The following LIPM variants were observed in gnomAD, a reference collection of about 807,000 sequenced individuals.
LIPM encodes lipase member M.
Under a neutral mutation model 42.4 loss-of-function variants are expected in LIPM, and 42 were observed. The observed-to-expected ratio is 0.99, with a 90% CI of 0.77 to 1.28. The LOEUF (loss-of-function observed/expected upper bound fraction) is 1.28, where lower values mean the gene tolerates loss of function less well. Ranked by LOEUF, LIPM falls within the 50% of genes most tolerant of loss-of-function variation. The pLI, the probability that LIPM is intolerant of heterozygous loss-of-function variation, is 0.00. For synonymous variants in LIPM, 177 were observed against 173.3 expected, an observed-to-expected ratio of 1.02 and a Z score of -0.17; for missense variants, 524 against 520.1, an observed-to-expected ratio of 1.01 and a Z score of -0.07.
intron 1 of LIPM, among the ~76,000 whole-genome samples, chr10:88,806,532 G>A (rs985386788): frequency 6.6e-6 from 1 of 152,184 alleles, no homozygotes; most frequent in Admixed American, 6.5e-5. Flanking sequence ...ATAGTTGTCA[G>A]ATCAGCAACA....
Position 88,815,341 on chromosome 10 carries a change from C to T in LIPM, c.712-16C>T. The T allele has an allele frequency of 6.4e-7, 1 of 1,551,412 alleles. No individual in the cohort carries two copies. Among genetic ancestry groups the T allele is most frequent in the East Asian group, 2.4e-5 (1 of 40,924 alleles). Reference sequence around the variant, plus strand: ...TTTTCTGTCTGTCATGTCTATGTCACTTCATATTTTCACAGGGATTGTTTG... The same window carrying T: ...TTTTCTGTCTGTCATGTCTATGTCATTTCATATTTTCACAGGGATTGTTTG... On this transcript the variant is annotated splice_polypyrimidine_tract_variant and intron_variant, in intron 5 of 8. Coordinates refer to ENST00000404743, the MANE Select transcript of LIPM (RefSeq NM_001128215.1).
chr10:88,805,828 T>C (rs1843579560), intron 1 of LIPM: 2 of 361,582 alleles, frequency 5.5e-6, no homozygotes, highest in Non-Finnish European at 1.1e-5. Context: ...AGGAGAATCA[T>C]CATCATCGCC....
In LIPM at chr10:88,815,500, C is replaced by T. The variant is rs61737047; in HGVS notation, c.855C>T (p.Asn285=). ...GTGGATTCAACACCAACAATATGAA[C>T]ATGGTAAGTGGGAGCCTAGTAAATT... ...LLGGFNTNNM[N]MSRASVYAAH... is the part of the protein sequence containing the mutation. The change falls in exon 6 of 9, where the codon AAC becomes AAT. Residue 285 remains asparagine, a synonymous_variant. Coordinates refer to ENST00000404743, the MANE Select transcript of LIPM (RefSeq NM_001128215.1). 114 of 1,551,210 alleles carry T rather than the reference C, an allele frequency of 7.3e-5. No homozygotes were observed. In the South Asian group the frequency reaches 1.3e-3, roughly 18 times the overall value.
Position 88,816,813 on chromosome 10 carries a change from C to T in LIPM, c.859-3C>T. ...CCCCCAGAATACTCATGGTTTGTTACAGAGCCGAGCAAGTGTATATGCTGC... is the reference window on the plus strand; with the variant it reads ...CCCCCAGAATACTCATGGTTTGTTATAGAGCCGAGCAAGTGTATATGCTGC... On this transcript the variant is annotated splice_region_variant and splice_polypyrimidine_tract_variant and intron_variant, in intron 6 of 8. Coordinates refer to ENST00000404743, the MANE Select transcript of LIPM (RefSeq NM_001128215.1). 6.5e-7 allele frequency: 1 copy of T among 1,550,018 alleles called. No individual in the cohort carries two copies. Among genetic ancestry groups the T allele is most frequent in the Non-Finnish European group, 8.7e-7 (1 of 1,145,492 alleles).
rs61735049 is a variant in LIPM at position 88,820,266 on chromosome 10, C to T, written c.1037C>T (p.Thr346Met). The change falls in exon 9 of 9, where the codon ACG becomes ATG. Residue 346 changes from threonine to methionine, a missense_variant. Transcript: ENST00000404743. The stretch of plus-strand genomic sequence containing the variant: ...GTAAGGTACAGAGTCAGAGATATGA[C>T]GGTCCCTACAGCAATGTGGACAGGA... The part of the protein sequence containing the change: ...TPVRYRVRDM[T>M]VPTAMWTGGQ... 1,557 of 1,551,552 alleles carry T rather than the reference C, an allele frequency of 1.0e-3. 9 individuals carry two copies. The African/African-American group carries it at 0.016, about 16-fold the overall frequency.
intron 2 of LIPM, among the ~76,000 whole-genome samples, chr10:88,812,027 A>G (rs1843662110): frequency 6.6e-6 from 1 of 152,144 alleles, no homozygotes. Context: ...ATCATTTACT[A>G]TACATTTGGC....
intron 2 of LIPM, among the ~76,000 whole-genome samples, chr10:88,812,544 T>C (rs1843667706): frequency 1.3e-5 from 2 of 152,330 alleles, no homozygotes; most frequent in Non-Finnish European, 1.5e-5. Context: ...CATTTATTTA[T>C]TGGTCTCTAT....
rs569577289 is a variant in LIPM at position 88,817,847 on chromosome 10, G to A, written c.953G>A (p.Arg318Gln). 108 of 1,551,328 alleles carry A rather than the reference G, an allele frequency of 7.0e-5. No homozygotes were observed. The highest frequency in any genetic ancestry group is 3.3e-4 in the Middle Eastern group (2 of 5,992). Residue 318 changes from arginine to glutamine, a missense_variant, in exon 8 of 9, where the codon CGG becomes CAG. Transcript: ENST00000404743. ...TAGGCAGTGAATTCTGGTGAACTCC[G>A]GGCATTTGACTGGGGGAGTGAGACC... The part of the protein sequence containing the change: ...WSQAVNSGEL[R>Q]AFDWGSETKN...
At chr10:88,819,041 C>T (rs1257853962) in intron 8 of LIPM, among the ~76,000 whole-genome samples, 1 of 149,508 alleles carries the variant, frequency 6.7e-6, no homozygotes, top group Non-Finnish European at 1.5e-5. Flanking sequence ...GTGCACGCCA[C>T]CATGCTCAGC....
At chr10:88,810,168 C>A (rs1165971484) in intron 2 of LIPM, among the ~76,000 whole-genome samples, 1 of 152,172 alleles carries the variant, frequency 6.6e-6, no homozygotes, top group Non-Finnish European at 1.5e-5. Context: ...GAGTGCTGAG[C>A]ACATTCTGGT....
In LIPM at chr10:88,817,827, A is replaced by C; in HGVS notation, c.933A>C (p.Ala311=). ...TGTAAATTTTTGTCTCCTTTTAGGC[A>C]GTGAATTCTGGTGAACTCCGGGCAT... is the stretch of plus-strand genomic sequence containing the variant. ...SVQNILHWSQ[A]VNSGELRAFD... is the part of the protein sequence containing the mutation. The change falls in exon 8 of 9, where the codon GCA becomes GCC. Residue 311 remains alanine (A), a splice_region_variant and synonymous_variant. Coordinates refer to ENST00000404743, the MANE Select transcript of LIPM (RefSeq NM_001128215.1). The C allele has an allele frequency of 6.4e-7, 1 of 1,551,118 alleles. No homozygotes were observed. The highest frequency in any genetic ancestry group is 8.7e-7 in the Non-Finnish European group (1 of 1,146,494).
rs768448847 is a variant in LIPM, at chr10:88,813,225, A to T, written c.394A>T (p.Ser132Cys). ...DAGFDVWMGN[S>C]RGNAWSRKHK... ...TGGTTTTGACGTGTGGATGGGGAAC[A>T]GCAGGGGAAACGCCTGGTCTCGAAA... is the stretch of plus-strand genomic sequence containing the variant. Residue 132 changes from serine to cysteine, a missense_variant, in exon 3 of 9, where the codon AGC becomes TGC. Transcript: ENST00000404743. 1.9e-6 allele frequency: 3 copies of T among 1,613,736 alleles called. No homozygotes were observed. The highest frequency in any genetic ancestry group is 2.5e-6 in the Non-Finnish European group (3 of 1,179,794).
rs984982329 is a variant in LIPM at position 88,815,278 on chromosome 10, A to G, written c.711+54A>G. On this transcript the variant is annotated intron_variant, in intron 5 of 8. Coordinates refer to ENST00000404743, the MANE Select transcript of LIPM (RefSeq NM_001128215.1). ...GTACGTAGAAAAATCTTCCAGCCCA[A>G]TTTCCTAAAACATAAACTTTTAAAT... is the stretch of plus-strand genomic sequence containing the variant. 1.2e-5 allele frequency: 19 copies of G among 1,547,092 alleles called. No homozygotes were observed. The African/African-American group carries it at 1.9e-4, about 16-fold the overall frequency.
Position 88,820,534 on chromosome 10 carries a change from C to A in LIPM, c.*33C>A. On this transcript the variant is annotated 3_prime_UTR_variant, in exon 9 of 9. Transcript: ENST00000404743. The stretch of plus-strand genomic sequence containing the variant: ...GACACTGACGATCTTAGGACAACCT[C>A]CTGAGGGATGGGGCTAGGACCCATG... 1 of 1,536,900 alleles carries A rather than the reference C, an allele frequency of 6.5e-7. No homozygotes were observed. Among genetic ancestry groups the A allele is most frequent in the Non-Finnish European group, 8.8e-7 (1 of 1,141,386 alleles).
At chr10:88,817,701 G>A (rs925682590) in intron 7 of LIPM, 124 bp from the exon 8 acceptor site, 3 of 624,062 alleles carry the variant, frequency 4.8e-6, no homozygotes, top group Non-Finnish European at 8.7e-6. Context: ...TTGAATGGAA[G>A]AGCAGCTCAA....
At position 88,803,045 on chromosome 10, in the gene LIPM, T is replaced by C; in HGVS notation, c.147+2T>C. 6.5e-7 allele frequency: 1 copy of C among 1,549,872 alleles called. No homozygotes were observed. The highest frequency in any genetic ancestry group is 8.7e-7 in the Non-Finnish European group (1 of 1,146,310). On this transcript the variant is annotated splice_donor_variant, in intron 1 of 8. Coordinates refer to ENST00000404743, the MANE Select transcript of LIPM (RefSeq NM_001128215.1). LOFTEE classifies it high-confidence loss of function. ...GACCCAGAAGCATTCATGAATATTG[T>C]AAGTTGGGATTTCTGGGAAATGAGG...
rs1843724431 is a variant in LIPM at position 88,816,895 on chromosome 10, T to C, written c.930+8T>C. ...ATTCTACACTGGAGCCAGGTAAGAA[T>C]GTTGAATTTGCAGTCTTTGCTAAAT... On this transcript the variant is annotated splice_region_variant and intron_variant, in intron 7 of 8. Transcript: ENST00000404743. The C allele has an allele frequency of 1.9e-6, 3 of 1,549,066 alleles. No homozygotes were observed. The highest frequency in any genetic ancestry group is 1.4e-5 in the African/African-American group (1 of 73,086).
intron 1 of LIPM, among the ~76,000 whole-genome samples, chr10:88,807,226 A>G (rs12412604): frequency 0.043 from 6,481 of 152,288 alleles, 289 homozygotes; most frequent in East Asian, 0.13. Flanking sequence ...TTACAGATGC[A>G]TGAACTGAAG....
At chr10:88,818,809 C>T (rs1327877074) in intron 8 of LIPM, among the ~76,000 whole-genome samples, 1 of 152,172 alleles carries the variant, frequency 6.6e-6, no homozygotes, top group Non-Finnish European at 1.5e-5. Flanking sequence ...GTATCAGCTG[C>T]TTCTCTTGAA....
Sources: allele counts gnomAD v4.1 joint callset (sites outside exome capture counted in the v4.1 genomes callset), GRCh38; gene constraint gnomAD v4.1.1; transcripts MANE v1.5; gene names NCBI Gene and HGNC (gene_info 2026-07-23, HGNC 2026-07-21).